The following MYBPC1 variants were observed in gnomAD, a reference collection of about 807,000 sequenced individuals.
MYBPC1 encodes the protein myosin-binding protein C, slow-type.
In MYBPC1, 52 loss-of-function variants were observed where a neutral mutation model predicts 147.1. The observed-to-expected ratio is 0.35, with a 90% CI of 0.28 to 0.45. MYBPC1 has a LOEUF of 0.45. MYBPC1 is among the 20% of genes least tolerant of loss of function. The pLI is 1.00. For synonymous variants in MYBPC1, 477 were observed against 475.9 expected (o/e 1.00, Z -0.03); for missense variants, 1,228 against 1,440.3 (o/e 0.85, Z 2.39).
intron 27 of MYBPC1, 92 bp downstream of exon 27, chr12:101,677,486 A>G: frequency 7.0e-7 from 1 of 1,437,982 alleles, no homozygotes; most frequent in Non-Finnish European, 9.6e-7. Context: ...AAGGGAACAA[A>G]AAAATGGTAA....
intron 3 of MYBPC1, among the ~76,000 whole-genome samples, chr12:101,618,853 C>CTG (rs1382876737): frequency 8.5e-6 from 1 of 118,056 alleles, no homozygotes; most frequent in Admixed American, 8.0e-5. Context: ...ACAAAAACTG[C>CTG]CGTGTGTGTG....
intron 5 of MYBPC1, chr12:101,628,191 T>G (rs748396158): frequency 2.3e-5 from 6 of 261,540 alleles, no homozygotes; most frequent in Admixed American, 4.9e-5. Context: ...TTCTGTGAAG[T>G]CATTCATTCA....
chr12:101,638,147 G>A (rs1053567024), intron 10 of MYBPC1, among the ~76,000 whole-genome samples: 2 of 152,186 alleles, frequency 1.3e-5, no homozygotes, highest in African/African-American at 4.8e-5. Context: ...ATTTGCCTTG[G>A]AAGCTGGCGC....
At chr12:101,599,695 G>C (rs1879035964) in intron 1 of MYBPC1, among the ~76,000 whole-genome samples, 1 of 125,864 alleles carries the variant, frequency 7.9e-6, no homozygotes, top group Non-Finnish European at 2.0e-5. Context: ...AAGGAATAGG[G>C]GAGGAGGAAA....
chr12:101,645,675 A>T (rs1892950956), intron 12 of MYBPC1, among the ~76,000 whole-genome samples: 1 of 152,224 alleles, frequency 6.6e-6, no homozygotes, highest in Non-Finnish European at 1.5e-5. Flanking sequence ...GGTTATCTTT[A>T]TGTAGAAAAT....
intron 7 of MYBPC1, 144 bp downstream of exon 7, chr12:101,631,863 C>A (rs1013528438): frequency 2.9e-6 from 4 of 1,370,524 alleles, no homozygotes; most frequent in South Asian, 1.2e-5. Flanking sequence ...CACTCTATTG[C>A]GATTGCCCGG....
At chr12:101,648,013 A>T in intron 13 of MYBPC1, 32 bp from the exon 14 acceptor site, 1 of 1,536,918 alleles carries the variant, frequency 6.5e-7, no homozygotes, top group Non-Finnish European at 9.0e-7. Flanking sequence ...TTGGATATTT[A>T]ATGATTCTGA....
At position 101,653,183 on chromosome 12, in the gene MYBPC1, C is replaced by T; in HGVS notation, c.1702C>T (p.Leu568Phe). Residue 568 changes from leucine to phenylalanine, a missense_variant, in exon 18 of 32, where the codon CTT (leucine) becomes TTT (phenylalanine). Leu to Phe is a conservative substitution (Grantham distance 22). Transcript: ENST00000361466. ...AGTGACAGTGATTGCAGGAAACAAGCTTCGTCTTGAGATCCCCATCAGCGG... is the reference window on the plus strand; with the variant it reads ...AGTGACAGTGATTGCAGGAAACAAGTTTCGTCTTGAGATCCCCATCAGCGG... The part of the protein sequence containing the change: ...NTVTVIAGNK[L>F]RLEIPISGEP... 1 of 1,614,134 alleles carries T rather than the reference C, an allele frequency of 6.2e-7. No homozygotes were observed. Among genetic ancestry groups the T allele is most frequent in the South Asian group, 1.1e-5 (1 of 91,078 alleles).
At chr12:101,620,788 T>C (rs1887192323) in intron 3 of MYBPC1, among the ~76,000 whole-genome samples, 1 of 152,182 alleles carries the variant, frequency 6.6e-6, no homozygotes, top group South Asian at 2.1e-4. Flanking sequence ...TGATATTTTA[T>C]TTTTACATCT....
chr12:101,602,260 G>A (rs1880355440), intron 1 of MYBPC1, among the ~76,000 whole-genome samples: 1 of 152,136 alleles, frequency 6.6e-6, no homozygotes, highest in African/African-American at 2.4e-5. Flanking sequence ...TGTCGCCCAG[G>A]TCAGAGTGCA....
chr12:101,652,896 A>T, intron 17 of MYBPC1, 112 bp downstream of exon 17: 1 of 1,085,404 alleles, frequency 9.2e-7, no homozygotes, highest in Non-Finnish European at 1.4e-6. Flanking sequence ...AAAATACATC[A>T]ATTGGTATTA....
intron 3 of MYBPC1, among the ~76,000 whole-genome samples, chr12:101,622,180 T>G (rs1204370406): frequency 6.6e-6 from 1 of 152,210 alleles, no homozygotes; most frequent in Non-Finnish European, 1.5e-5. Context: ...TTTTGTTTTG[T>G]TTGAAAATGT....
intron 6 of MYBPC1, among the ~76,000 whole-genome samples, chr12:101,630,763 C>T (rs757490821): frequency 2.6e-5 from 4 of 152,042 alleles, no homozygotes; most frequent in Non-Finnish European, 5.9e-5. Flanking sequence ...ATCACAAATG[C>T]CAAGTGCTAT....
At chr12:101,693,504 G>A in the MYBPC1 span, among the ~76,000 whole-genome samples, 795 of 152,218 alleles carry the variant, frequency 5.2e-3, 4 homozygotes, top group African/African-American at 0.018. Context: ...ATTTTAGGAG[G>A]TCAAAGCGGG....
At chr12:101,675,257 T>C in intron 25 of MYBPC1, 35 bp from the exon 26 acceptor site, 2 of 1,613,318 alleles carry the variant, frequency 1.2e-6, no homozygotes, top group Non-Finnish European at 1.7e-6. Context: ...GGAAAGAAAG[T>C]GACCTTGCAG....
In MYBPC1 at chr12:101,685,825, A is replaced by G. The variant is rs932533074; in HGVS notation, c.*263A>G. On this transcript the variant is annotated 3_prime_UTR_variant, in exon 32 of 32. Transcript: ENST00000361466. ...AATGTTGAAGAGAAAAAAAAAAAAA[A>G]AAGTTTGCCCAGATTGCTTAATTAA... The G allele has an allele frequency of 3.2e-6, 2 of 632,924 alleles. No homozygotes were observed. The highest frequency in any genetic ancestry group is 5.1e-6 in the Non-Finnish European group (2 of 392,854). The allele number at this position is 632,924 out of a possible 1,614,324, so 39.2% of individuals were successfully genotyped here. A position where few individuals can be genotyped will look rare whatever the true frequency, so the allele number is the denominator to read the frequency against.
intron 1 of MYBPC1, among the ~76,000 whole-genome samples, chr12:101,598,315 C>A (rs12302348): frequency 1.3e-5 from 2 of 151,834 alleles, no homozygotes; most frequent in Non-Finnish European, 2.9e-5. Context: ...CCACTGTGCC[C>A]GGCCAAGAAA....
intron 28 of MYBPC1, 110 bp downstream of exon 28, chr12:101,678,348 T>G: frequency 2.0e-6 from 3 of 1,483,468 alleles, no homozygotes; most frequent in Non-Finnish European, 2.8e-6. Flanking sequence ...CTTCCCAGGA[T>G]GGGGGATTAG....
At chr12:101,627,531 C>G (rs1888886866) in intron 4 of MYBPC1, among the ~76,000 whole-genome samples, 2 of 152,168 alleles carry the variant, frequency 1.3e-5, no homozygotes, top group South Asian at 4.1e-4. Context: ...GCATGAACCA[C>G]CGCCCCCAGC....
Sources: allele counts gnomAD v4.1 joint callset (sites outside exome capture counted in the v4.1 genomes callset), GRCh38; gene constraint gnomAD v4.1.1; transcripts MANE v1.5; gene names NCBI Gene and HGNC (gene_info 2026-07-23, HGNC 2026-07-21).